Variants in SGCD observed in about 807,000 individuals in gnomAD.
The protein encoded by SGCD is sarcoglycan delta.
A neutral mutation model predicts 36.6 loss-of-function variants in SGCD; 18 were observed. The observed-to-expected ratio is 0.49, with a 90% CI of 0.34 to 0.73. The LOEUF is 0.73. Ranked by LOEUF, SGCD falls within the 30% of genes least tolerant of loss-of-function variation. The pLI is 0.01. For synonymous variants in SGCD, 133 were observed against 130.6 expected, an observed-to-expected ratio of 1.02 and a Z score of -0.12; for missense variants, 387 against 346.7, an observed-to-expected ratio of 1.12 and a Z score of -0.92.
At chr5:156,369,975 AC>A (rs1234137090) in intron 3 of SGCD, among the ~76,000 whole-genome samples, 1 of 152,146 alleles carries the variant, frequency 6.6e-6, no homozygotes, top group Non-Finnish European at 1.5e-5. Flanking sequence ...GGCCCTAGTC[AC>A]AAGAGCTATT....
chr5:156,677,703 G>C (rs189147647), intron 7 of SGCD, among the ~76,000 whole-genome samples: 1 of 152,058 alleles, frequency 6.6e-6, no homozygotes, highest in African/African-American at 2.4e-5. Flanking sequence ...AAAAAAAAGA[G>C]TCTGGTGGAG....
chr5:156,179,781 G>T (rs1240482559), intron 3 of SGCD, among the ~76,000 whole-genome samples: 1 of 151,882 alleles, frequency 6.6e-6, no homozygotes, highest in Non-Finnish European at 1.5e-5. Context: ...CTGCCACCAT[G>T]CCCAGCTAAT....
chr5:156,230,995 G>A (rs1022627351), intron 3 of SGCD, among the ~76,000 whole-genome samples: 1 of 151,956 alleles, frequency 6.6e-6, no homozygotes, highest in Non-Finnish European at 1.5e-5. Flanking sequence ...TACACAAAAA[G>A]CAAATAAAAA....
chr5:156,190,077 A>T (rs1273742150), intron 3 of SGCD, among the ~76,000 whole-genome samples: 1 of 152,110 alleles, frequency 6.6e-6, no homozygotes, highest in African/African-American at 2.4e-5. Context: ...GCATTCTGTT[A>T]CCTAGAGTGG....
At chr5:156,330,254 A>G (rs1447308011) in intron 2 of SGCD, among the ~76,000 whole-genome samples, 1 of 152,170 alleles carries the variant, frequency 6.6e-6, no homozygotes, top group Non-Finnish European at 1.5e-5. Flanking sequence ...ATCCAAAAAA[A>G]TCTGAAGTCA....
chr5:156,089,361 A>G (rs1761183808), intron 1 of SGCD, among the ~76,000 whole-genome samples: 1 of 152,130 alleles, frequency 6.6e-6, no homozygotes, highest in Non-Finnish European at 1.5e-5. Flanking sequence ...TGTTTTCCCC[A>G]TCGATTGCAG....
At chr5:156,054,346 C>T (rs1760004382) in intron 1 of SGCD, among the ~76,000 whole-genome samples, 1 of 134,378 alleles carries the variant, frequency 7.4e-6, no homozygotes, top group East Asian at 2.0e-4. Flanking sequence ...AGTGCAGTGG[C>T]GCGATCTCGG....
chr5:156,079,752 C>T (rs1760900298), intron 1 of SGCD, among the ~76,000 whole-genome samples: 1 of 152,208 alleles, frequency 6.6e-6, no homozygotes, highest in South Asian at 2.1e-4. Context: ...CAGCTCCACA[C>T]CTATGCCTTT....
chr5:156,584,176 C>T (rs1440760159), intron 4 of SGCD, among the ~76,000 whole-genome samples: 1 of 152,180 alleles, frequency 6.6e-6, no homozygotes, highest in Non-Finnish European at 1.5e-5. Flanking sequence ...TTCTCTCTGT[C>T]CCTTAAGTAT....
chr5:155,810,783 C>G, the SGCD span, among the ~76,000 whole-genome samples: 7 of 116,060 alleles, frequency 6.0e-5, no homozygotes, highest in African/African-American at 2.3e-4. Context: ...CTGAGTAATC[C>G]TTTAGTGTCT....
intron 7 of SGCD, among the ~76,000 whole-genome samples, chr5:156,721,034 G>T (rs1389451222): frequency 1.3e-5 from 2 of 152,164 alleles, no homozygotes; most frequent in African/African-American, 4.8e-5. Flanking sequence ...TGAGAGAAAA[G>T]GATCAGTGAT....
chr5:156,175,800 C>A (rs1763451881), intron 3 of SGCD, among the ~76,000 whole-genome samples: 1 of 151,958 alleles, frequency 6.6e-6, no homozygotes, highest in African/African-American at 2.4e-5. Flanking sequence ...TTGTGATGGT[C>A]CTAATCAATA....
chr5:155,900,715 T>G (rs1350529036), intron 1 of SGCD, among the ~76,000 whole-genome samples: 1 of 152,022 alleles, frequency 6.6e-6, no homozygotes, highest in Non-Finnish European at 1.5e-5. Context: ...ATTCTCAAAA[T>G]GCAGGAGTAA....
At chr5:156,062,520 A>C (rs1760241878) in intron 1 of SGCD, among the ~76,000 whole-genome samples, 2 of 119,188 alleles carry the variant, frequency 1.7e-5, no homozygotes, top group South Asian at 5.0e-4. Context: ...TGACTTCCAC[A>C]ATGGTTGAAC....
intron 7 of SGCD, among the ~76,000 whole-genome samples, chr5:156,743,401 C>T (rs1378951375): frequency 1.1e-4 from 16 of 152,128 alleles, no homozygotes; most frequent in East Asian, 7.7e-4. Context: ...CATGAACCAC[C>T]GCGCCCAGCC....
intron 3 of SGCD, among the ~76,000 whole-genome samples, chr5:156,207,647 C>A (rs932073519): frequency 6.6e-6 from 1 of 151,928 alleles, no homozygotes; most frequent in Non-Finnish European, 1.5e-5. Flanking sequence ...TTTGCACCAG[C>A]CTAATATTTT....
intron 4 of SGCD, among the ~76,000 whole-genome samples, chr5:156,546,476 A>G (rs1441633849): frequency 2.0e-5 from 3 of 152,194 alleles, no homozygotes; most frequent in African/African-American, 4.8e-5. Context: ...GGTAGATTCT[A>G]TGGAAAATGG....
chr5:155,986,082 T>G (rs1378063581), intron 1 of SGCD, among the ~76,000 whole-genome samples: 1 of 152,230 alleles, frequency 6.6e-6, no homozygotes, highest in African/African-American at 2.4e-5. Context: ...GTTCTATTAA[T>G]TTTGCTCATT....
intron 3 of SGCD, among the ~76,000 whole-genome samples, chr5:156,282,319 G>A (rs919938178): frequency 6.6e-5 from 10 of 152,082 alleles, no homozygotes; most frequent in Non-Finnish European, 1.3e-4. Flanking sequence ...CTGATGCAAC[G>A]CAAAACAGAG....
Sources: gnomAD v4.1 joint callset for allele counts (sites outside exome capture counted in the v4.1 genomes callset) on GRCh38, gnomAD v4.1.1 for gene constraint, MANE v1.5 for transcripts, NCBI Gene and HGNC (gene_info 2026-07-23, HGNC 2026-07-21) for gene names.